The following ARHGAP42 variants were observed in gnomAD, a reference collection of about 807,000 sequenced individuals.
The protein encoded by ARHGAP42 is rho GTPase-activating protein 42.
Under a neutral mutation model 125.0 loss-of-function variants are expected in ARHGAP42, and 63 were observed. That is an observed-to-expected ratio of 0.50 (90% CI 0.41 to 0.62). ARHGAP42 has a LOEUF of 0.62. ARHGAP42 is among the 20% of genes least tolerant of loss of function. The pLI is 0.00. For synonymous variants in ARHGAP42, 339 were observed against 351.0 expected (o/e 0.97, Z 0.38); for missense variants, 766 against 1,024.2 (o/e 0.75, Z 3.44).
chr11:100,872,992 A>T (rs745796511), intron 4 of ARHGAP42, among the ~76,000 whole-genome samples: 1 of 152,210 alleles, frequency 6.6e-6, no homozygotes, highest in Non-Finnish European at 1.5e-5. Flanking sequence ...TATGCCCATC[A>T]TATTTTTCAA....
chr11:100,758,448 T>C (rs1862625157), intron 1 of ARHGAP42, among the ~76,000 whole-genome samples: 1 of 152,218 alleles, frequency 6.6e-6, no homozygotes, highest in Non-Finnish European at 1.5e-5. Context: ...CTTAAGTAAA[T>C]GATCAATTTA....
At chr11:100,811,322 C>T (rs893273593) in intron 3 of ARHGAP42, among the ~76,000 whole-genome samples, 1 of 152,140 alleles carries the variant, frequency 6.6e-6, no homozygotes, top group Non-Finnish European at 1.5e-5. Context: ...CAGAACAACT[C>T]TGGATTTAAT....
chr11:100,873,625 G>T (rs1165105301), intron 4 of ARHGAP42, among the ~76,000 whole-genome samples: 1 of 152,100 alleles, frequency 6.6e-6, no homozygotes, highest in Non-Finnish European at 1.5e-5. Context: ...TGAAGATCAG[G>T]ATATATATAA....
intron 4 of ARHGAP42, among the ~76,000 whole-genome samples, chr11:100,900,172 G>A (rs1866502725): frequency 6.6e-6 from 1 of 152,152 alleles, no homozygotes; most frequent in South Asian, 2.1e-4. Context: ...ATGAAATTTA[G>A]TTTGGCTGGA....
At chr11:100,704,302 G>T (rs1171755061) in intron 1 of ARHGAP42, among the ~76,000 whole-genome samples, 1 of 152,160 alleles carries the variant, frequency 6.6e-6, no homozygotes, top group Non-Finnish European at 1.5e-5. Flanking sequence ...CAGGCCCGGG[G>T]TTGAGGGAAT....
intron 7 of ARHGAP42, 86 bp downstream of exon 7, chr11:100,933,346 G>A (rs1003790962): frequency 1.4e-5 from 14 of 994,396 alleles, no homozygotes; most frequent in Non-Finnish European, 1.9e-5. Context: ...TTTTCTAGCT[G>A]CTAGTGGAAA....
chr11:100,983,512 G>A (rs946719143), intron 22 of ARHGAP42, among the ~76,000 whole-genome samples: 5 of 152,118 alleles, frequency 3.3e-5, no homozygotes, highest in Non-Finnish European at 5.9e-5. Context: ...ACACAGAAAA[G>A]GACACATGGG....
At chr11:100,754,057 A>G (rs1371521483) in intron 1 of ARHGAP42, among the ~76,000 whole-genome samples, 1 of 152,234 alleles carries the variant, frequency 6.6e-6, no homozygotes, top group Admixed American at 6.5e-5. Context: ...ATGGCCCCAG[A>G]AGATTATTTA....
At chr11:100,751,279 G>GTGTTTT (rs761001184) in intron 1 of ARHGAP42, among the ~76,000 whole-genome samples, 14 of 93,478 alleles carry the variant, frequency 1.5e-4, no homozygotes, top group African/African-American at 6.4e-4. Flanking sequence ...GTGTGTGTGT[G>GTGTTTT]TTTTTTTTTT....
At chr11:100,811,647 G>A (rs1864145912) in intron 3 of ARHGAP42, among the ~76,000 whole-genome samples, 1 of 151,854 alleles carries the variant, frequency 6.6e-6, no homozygotes, top group African/African-American at 2.4e-5. Flanking sequence ...TTATAGGAGT[G>A]CACCACCACG....
At chr11:100,919,546 A>G (rs1485348767) in intron 5 of ARHGAP42, among the ~76,000 whole-genome samples, 1 of 151,934 alleles carries the variant, frequency 6.6e-6, no homozygotes, top group Non-Finnish European at 1.5e-5. Context: ...AGGCAACACA[A>G]TCAGTGATGT....
At chr11:100,803,449 C>G (rs920664188) in intron 3 of ARHGAP42, among the ~76,000 whole-genome samples, 1 of 152,086 alleles carries the variant, frequency 6.6e-6, no homozygotes, top group Non-Finnish European at 1.5e-5. Context: ...TGAGGTTCAT[C>G]GAGTCCACAG....
chr11:100,710,334 C>T (rs12291663), intron 1 of ARHGAP42, among the ~76,000 whole-genome samples: 2 of 151,470 alleles, frequency 1.3e-5, no homozygotes, highest in South Asian at 4.2e-4. Flanking sequence ...TGAAACGATT[C>T]TCCTGCGTCA....
chr11:100,878,561 T>A (rs185015984), intron 4 of ARHGAP42, among the ~76,000 whole-genome samples: 1 of 152,280 alleles, frequency 6.6e-6, no homozygotes, highest in Non-Finnish European at 1.5e-5. Flanking sequence ...GAAAGGAAAG[T>A]GGTTTCCTAA....
chr11:100,727,761 A>C (rs1210123131), intron 1 of ARHGAP42, among the ~76,000 whole-genome samples: 1 of 152,182 alleles, frequency 6.6e-6, no homozygotes, highest in Non-Finnish European at 1.5e-5. Context: ...TGTCCTTTAA[A>C]ATACCTTTTG....
intron 3 of ARHGAP42, among the ~76,000 whole-genome samples, chr11:100,846,665 GAC>G (rs1166774275): frequency 2.6e-5 from 4 of 152,144 alleles, no homozygotes; most frequent in African/African-American, 9.7e-5. Context: ...TGGATGGGAA[GAC>G]ACACTGTGCA....
rs377233568 is a variant in ARHGAP42, at chr11:100,910,345, T to C, written c.385-3107T>C. Among the ~76,000 whole-genome samples the C allele has an allele frequency of 1.5e-4, 23 of 152,264 alleles. No homozygotes were observed. The East Asian group carries it at 4.4e-3, about 29-fold the overall frequency. ...CTAGGACATCCCCTTCTACCTCACT[T>C]CTCATCTTTTTTCCATCGAGATTAT... On this transcript the variant is annotated intron_variant, in intron 4 of 23. Transcript: ENST00000298815.
chr11:100,864,233 G>T (rs1421665727), intron 4 of ARHGAP42, among the ~76,000 whole-genome samples: 1 of 150,366 alleles, frequency 6.7e-6, no homozygotes, highest in Non-Finnish European at 1.5e-5. Flanking sequence ...CACCCAGGCT[G>T]GAGTGCAGTA....
At chr11:100,965,299 G>C (rs1199845326) in intron 16 of ARHGAP42, among the ~76,000 whole-genome samples, 1 of 152,120 alleles carries the variant, frequency 6.6e-6, no homozygotes, top group African/African-American at 2.4e-5. Context: ...CTAATGACTG[G>C]CACATTAGGC....
Sources: allele counts gnomAD v4.1 joint callset (sites outside exome capture counted in the v4.1 genomes callset), GRCh38; gene constraint gnomAD v4.1.1; transcripts MANE v1.5; gene names NCBI Gene and HGNC (gene_info 2026-07-23, HGNC 2026-07-21).